Variants in CACNA2D3 observed in about 807,000 individuals in gnomAD.
The protein encoded by CACNA2D3 is calcium voltage-gated channel auxiliary subunit alpha2delta 3, also known as voltage-dependent calcium channel subunit alpha-2/delta-3.
Under a neutral mutation model 160.6 loss-of-function variants are expected in CACNA2D3, and 60 were observed. The ratio of observed to expected loss-of-function variants is 0.37; its 90% CI spans 0.30 to 0.46. The LOEUF is 0.46. Ranked by LOEUF, CACNA2D3 falls within the 20% of genes least tolerant of loss-of-function variation. CACNA2D3 has a pLI of 1.00. For synonymous variants in CACNA2D3, 558 were observed against 492.9 expected (o/e 1.13, Z -1.75); for missense variants, 1,205 against 1,365.0 (o/e 0.88, Z 1.85).
intron 4 of CACNA2D3, among the ~76,000 whole-genome samples, chr3:54,416,096 G>A (rs1410413630): frequency 6.6e-6 from 1 of 152,116 alleles, no homozygotes; most frequent in East Asian, 1.9e-4. Flanking sequence ...GTATACATAA[G>A]GCGAACAGTT....
At chr3:54,921,390 C>G (rs904939621) in intron 27 of CACNA2D3, among the ~76,000 whole-genome samples, 1 of 152,114 alleles carries the variant, frequency 6.6e-6, no homozygotes, top group Non-Finnish European at 1.5e-5. Flanking sequence ...AGCATAATAC[C>G]TAGCTCAGAG....
intron 17 of CACNA2D3, among the ~76,000 whole-genome samples, chr3:54,854,692 C>T (rs1015581276): frequency 1.3e-5 from 2 of 152,020 alleles, no homozygotes; most frequent in Admixed American, 6.6e-5. Context: ...TTGCCTCGTG[C>T]GTGGAGTGCT....
intron 9 of CACNA2D3, among the ~76,000 whole-genome samples, chr3:54,610,697 C>G (rs1698734827): frequency 6.6e-6 from 1 of 152,046 alleles, no homozygotes; most frequent in South Asian, 2.1e-4. Context: ...GATCTTGACT[C>G]ACTGTAACTG....
At chr3:54,326,749 T>C (rs892334778) in intron 3 of CACNA2D3, among the ~76,000 whole-genome samples, 2 of 152,216 alleles carry the variant, frequency 1.3e-5, no homozygotes, top group African/African-American at 4.8e-5. Context: ...TGGAGGTATA[T>C]ATGGCTGTAT....
intron 35 of CACNA2D3, among the ~76,000 whole-genome samples, chr3:55,062,280 CT>C (rs10693110): frequency 0.039 from 5,406 of 139,730 alleles, 300 homozygotes; most frequent in African/African-American, 0.13. Flanking sequence ...TCATATCTGT[CT>C]TTTTTTTTTT....
intron 5 of CACNA2D3, among the ~76,000 whole-genome samples, chr3:54,519,361 A>G (rs1238248644): frequency 6.6e-6 from 1 of 152,160 alleles, no homozygotes; most frequent in African/African-American, 2.4e-5. Context: ...GCCCAAATGC[A>G]ATCTGGGGGA....
At chr3:54,915,356 C>T (rs774850057) in intron 27 of CACNA2D3, among the ~76,000 whole-genome samples, 56 of 152,122 alleles carry the variant, frequency 3.7e-4, no homozygotes, top group Non-Finnish European at 7.2e-4. Flanking sequence ...AAAAATCACC[C>T]GTCTGTAGCC....
At chr3:54,778,148 G>A (rs1702458276) in intron 13 of CACNA2D3, among the ~76,000 whole-genome samples, 2 of 152,130 alleles carry the variant, frequency 1.3e-5, no homozygotes, top group Admixed American at 1.3e-4. Context: ...AGAAGGAAGA[G>A]AGAGAGTGGG....
intron 11 of CACNA2D3, among the ~76,000 whole-genome samples, chr3:54,658,793 T>G (rs1373191741): frequency 6.6e-6 from 1 of 151,384 alleles, no homozygotes; most frequent in Non-Finnish European, 1.5e-5. Context: ...CTCCACTCAC[T>G]CCCCGCTCAG....
At chr3:54,286,152 AC>A (rs1358064580) in intron 2 of CACNA2D3, among the ~76,000 whole-genome samples, 1 of 152,148 alleles carries the variant, frequency 6.6e-6, no homozygotes, top group African/African-American at 2.4e-5. Flanking sequence ...GGAAATTCAA[AC>A]CAATGGCAAA....
chr3:54,287,857 A>G (rs1390135112), intron 2 of CACNA2D3, among the ~76,000 whole-genome samples: 1 of 150,138 alleles, frequency 6.7e-6, no homozygotes, highest in South Asian at 2.2e-4. Context: ...AGGCAGAAAT[A>G]AAGATGTTCT....
At chr3:55,009,248 A>G in intron 33 of CACNA2D3, 140 bp from the exon 34 acceptor site, 1 of 712,828 alleles carries the variant, frequency 1.4e-6, no homozygotes, top group East Asian at 2.7e-5. Context: ...TTTAGTAGTA[A>G]CTCAGCCAAC....
chr3:54,823,052 A>G (rs932930680), intron 14 of CACNA2D3, among the ~76,000 whole-genome samples: 2 of 151,648 alleles, frequency 1.3e-5, no homozygotes, highest in African/African-American at 4.8e-5. Context: ...ACAGAGTTTC[A>G]CCATGTTGGC....
Position 54,823,336 on chromosome 3 carries a change from GA to G in CACNA2D3, c.1398+6473del, listed in dbSNP as rs201295570. Among the ~76,000 whole-genome samples the G allele has an allele frequency of 7.2e-3, 1,086 of 151,576 alleles. 13 individuals are homozygous for G. Among genetic ancestry groups the G allele is most frequent in the African/African-American group, 0.024 (1,008 of 41,324 alleles). Reference sequence around the variant, plus strand: ...TATACTATTTTTCCTGATTATTCAGGAAAAAAACAAAGTAAAAACAATATTA... The same window carrying G: ...TATACTATTTTTCCTGATTATTCAGGAAAAAACAAAGTAAAAACAATATTA... On this transcript the variant is annotated intron_variant, in intron 14 of 37. Transcript: ENST00000474759.
intron 5 of CACNA2D3, among the ~76,000 whole-genome samples, chr3:54,527,745 A>G (rs1356933858): frequency 1.3e-5 from 2 of 152,120 alleles, no homozygotes; most frequent in African/African-American, 4.8e-5. Flanking sequence ...CCAACTGTGA[A>G]CTTTGGGGAG....
chr3:54,441,982 T>TTA (rs1700152049), intron 4 of CACNA2D3, among the ~76,000 whole-genome samples: 1 of 152,198 alleles, frequency 6.6e-6, no homozygotes. Context: ...ATTTAAAACT[T>TTA]TTTTTAGAGA....
intron 24 of CACNA2D3, among the ~76,000 whole-genome samples, chr3:54,890,340 C>CA (rs936655221): frequency 6.6e-6 from 1 of 151,528 alleles, no homozygotes; most frequent in African/African-American, 2.4e-5. Flanking sequence ...ACTAAAAATA[C>CA]AAAAAATAAG....
At chr3:54,528,851 T>C (rs1385263241) in intron 5 of CACNA2D3, among the ~76,000 whole-genome samples, 1 of 152,190 alleles carries the variant, frequency 6.6e-6, no homozygotes, top group African/African-American at 2.4e-5. Context: ...ACTAAAAGGC[T>C]TTTCCTCCAT....
intron 3 of CACNA2D3, among the ~76,000 whole-genome samples, chr3:54,337,693 C>T (rs774649602): frequency 5.3e-5 from 8 of 152,102 alleles, no homozygotes; most frequent in South Asian, 2.1e-4. Context: ...CCTTTCTTTC[C>T]GCCATTCCCT....
Sources: gnomAD v4.1 joint callset for allele counts (sites outside exome capture counted in the v4.1 genomes callset) on GRCh38, gnomAD v4.1.1 for gene constraint, MANE v1.5 for transcripts, NCBI Gene and HGNC (gene_info 2026-07-23, HGNC 2026-07-21) for gene names.